Variants in PHLPP2 observed in about 807,000 individuals in gnomAD.
PHLPP2 encodes the protein PH domain and leucine rich repeat protein phosphatase 2.
PHLPP2 carries 66 observed loss-of-function variants against 124.9 expected under a neutral mutation model. That is an observed-to-expected ratio of 0.53 (90% CI 0.43 to 0.65). The LOEUF (loss-of-function observed/expected upper bound fraction) is 0.65, where lower values mean the gene tolerates loss of function less well. Ranked by LOEUF, PHLPP2 falls within the 30% of genes least tolerant of loss-of-function variation. The pLI is 0.00. For missense variants in PHLPP2, 1,685 were observed against 1,600.4 expected (o/e 1.05, Z -0.90); for synonymous variants, 681 against 624.7 (o/e 1.09, Z -1.34).
chr16:71,655,560 T>TA, intron 16 of PHLPP2, 126 bp from the exon 17 acceptor site: 5 of 647,360 alleles, frequency 7.7e-6, no homozygotes, highest in Non-Finnish European at 1.3e-5. Context: ...TGGAGTGCAG[T>TA]GGCATGATCT....
Position 71,648,837 on chromosome 16 carries a change from G to A in PHLPP2, c.*53C>T. ...TGTAGAGGCAGAATGCCTCTAGCAA[G>A]TCCCTACCCCAACCCTGCACAGCCT... On this transcript the variant is annotated 3_prime_UTR_variant, in exon 19 of 19. Coordinates refer to ENST00000568954, the MANE Select transcript of PHLPP2 (RefSeq NM_015020.3). 7.5e-7 allele frequency: 1 copy of A among 1,326,274 alleles called. No individual in the cohort carries two copies. Among genetic ancestry groups the A allele is most frequent in the Non-Finnish European group, 1.1e-6 (1 of 939,880 alleles). 82.2% of individuals were successfully genotyped at this position (1,326,274 alleles called of 1,614,324 possible). A position where few individuals can be genotyped will look rare whatever the true frequency, so the allele number is the denominator to read the frequency against.
intron 4 of PHLPP2, among the ~76,000 whole-genome samples, chr16:71,685,646 G>A (rs1215510009): frequency 6.6e-6 from 1 of 152,272 alleles, no homozygotes; most frequent in Non-Finnish European, 1.5e-5. Flanking sequence ...CATTGCAACT[G>A]AATGAGTCTG....
Position 71,652,950 on chromosome 16 carries a change from T to A in PHLPP2, c.2657A>T (p.Asp886Val). The A allele has an allele frequency of 6.2e-7, 1 of 1,614,044 alleles. No homozygotes were observed. The highest frequency in any genetic ancestry group is 1.1e-5 in the South Asian group (1 of 91,078). Residue 886 changes from aspartate to valine, a missense_variant, in exon 18 of 19, where the codon GAT becomes GTT. Asp to Val is a radical substitution (Grantham distance 152). Coordinates refer to ENST00000568954, the MANE Select transcript of PHLPP2 (RefSeq NM_015020.3). The stretch of plus-strand genomic sequence containing the variant: ...AGTCAAGCTAAAGCTACTTGCTGGA[T>A]CGGCAGTGTCAGGGCGGATGTAGCA... ...LLCYIRPDTA[D>V]PASSFSLTVA...
chr16:71,713,499 A>T (rs547042168), intron 2 of PHLPP2, among the ~76,000 whole-genome samples: 5 of 152,338 alleles, frequency 3.3e-5, no homozygotes, highest in African/African-American at 1.2e-4. Flanking sequence ...CTCACATATG[A>T]GAGATACCAC....
chr16:71,705,249 T>C (rs2145372060), intron 2 of PHLPP2, among the ~76,000 whole-genome samples: 1 of 152,306 alleles, frequency 6.6e-6, no homozygotes, highest in South Asian at 2.1e-4. Flanking sequence ...CTTCCTAATA[T>C]AATACAAATT....
At chr16:71,670,490 G>C (rs1008536252) in intron 10 of PHLPP2, among the ~76,000 whole-genome samples, 1 of 152,124 alleles carries the variant, frequency 6.6e-6, no homozygotes, top group Non-Finnish European at 1.5e-5. Context: ...TCCAATAAGA[G>C]CAGAACTAAA....
At chr16:71,651,216 T>C (rs1013987920) in intron 18 of PHLPP2, among the ~76,000 whole-genome samples, 5 of 152,042 alleles carry the variant, frequency 3.3e-5, no homozygotes, top group African/African-American at 7.3e-5. Context: ...CGCATGCCTA[T>C]AGTCCCAGCT....
chr16:71,655,506 T>C (rs75788276), intron 16 of PHLPP2, 72 bp from the exon 17 acceptor site: 1 of 826,034 alleles, frequency 1.2e-6, no homozygotes, highest in Non-Finnish European at 1.7e-6. Context: ...GAGCATTCTT[T>C]TTTTTTTTTT....
intron 17 of PHLPP2, 67 bp from the exon 18 acceptor site, chr16:71,653,088 G>C: frequency 2.4e-6 from 2 of 836,478 alleles, no homozygotes; most frequent in Non-Finnish European, 3.7e-6. Context: ...GGTCCTGCAC[G>C]TACATCCCTT....
Position 71,658,257 on chromosome 16 carries a change from T to C in PHLPP2, c.2255A>G (p.Glu752Gly). 1 of 1,613,964 alleles carries C rather than the reference T, an allele frequency of 6.2e-7. No homozygotes were observed. Among genetic ancestry groups the C allele is most frequent in the South Asian group, 1.1e-5 (1 of 91,050 alleles). The change falls in exon 15 of 19, where the codon GAA (glutamate) becomes GGA (glycine). Residue 752 changes from glutamate (E) to glycine (G), a missense_variant. Physicochemically the swap from Glu to Gly is moderately conservative, Grantham distance 98. Transcript: ENST00000568954. Reference protein sequence around the residue: ...DLTGNTNLVLEHKTLDIFSHI... With the variant: ...DLTGNTNLVLGHKTLDIFSHI... ...CCTAAATATGTCCAGTGTCTTGTGTTCCAGAACCAGATTTGTATTTCCAGT... is the reference window on the plus strand; with the variant it reads ...CCTAAATATGTCCAGTGTCTTGTGTCCCAGAACCAGATTTGTATTTCCAGT...
In PHLPP2 at chr16:71,678,971, CAG is replaced by C. The variant is rs1567619294; in HGVS notation, c.1050_1051del (p.Cys351SerfsTer2). 6.2e-7 allele frequency: 1 copy of C among 1,601,842 alleles called. No homozygotes were observed. The highest frequency in any genetic ancestry group is 1.7e-5 in the Admixed American group (1 of 60,004). On this transcript the variant is annotated frameshift_variant, in exon 8 of 19. Coordinates refer to ENST00000568954, the MANE Select transcript of PHLPP2 (RefSeq NM_015020.3). LOFTEE classifies it high-confidence loss of function. ...AGTAGTCAGAAAGTTGCCATCAAGA[CAG>C]AGGGTTTGAAGACTATAGGAAGAAA...
chr16:71,692,391 G>T (rs532742065), intron 3 of PHLPP2, among the ~76,000 whole-genome samples: 1 of 151,936 alleles, frequency 6.6e-6, no homozygotes, highest in Admixed American at 6.6e-5. Flanking sequence ...ATACAATTAG[G>T]TATCACTTTG....
Position 71,655,379 on chromosome 16 carries a change from A to C in PHLPP2, c.2446T>G (p.Tyr816Asp). ...DSFAEGVGAVYGMFDGDRNEE... is the reference protein window; with the variant it reads ...DSFAEGVGAVDGMFDGDRNEE... ...TTTCGGTCTCCATCAAACATGCCATACACAGCTCCCACCCCCTCTGCAAAG... is the reference window on the plus strand; with the variant it reads ...TTTCGGTCTCCATCAAACATGCCATCCACAGCTCCCACCCCCTCTGCAAAG... Residue 816 changes from tyrosine (Y) to aspartate (D), a missense_variant, in exon 17 of 19, where the codon TAT becomes GAT. Transcript: ENST00000568954. The C allele has an allele frequency of 6.2e-7, 1 of 1,614,154 alleles. No individual in the cohort carries two copies. The highest frequency in any genetic ancestry group is 8.5e-7 in the Non-Finnish European group (1 of 1,180,006).
chr16:71,692,806 T>G (rs1003279142), intron 3 of PHLPP2, among the ~76,000 whole-genome samples: 4 of 138,274 alleles, frequency 2.9e-5, no homozygotes, highest in Non-Finnish European at 6.1e-5. Context: ...ATAGTTGTTA[T>G]GCCATATTTT....
intron 3 of PHLPP2, among the ~76,000 whole-genome samples, chr16:71,699,359 A>T (rs2145365549): frequency 6.6e-6 from 1 of 151,826 alleles, no homozygotes; most frequent in East Asian, 1.9e-4. Context: ...TACCTACAGC[A>T]CCTCCCATCC....
rs1364561984 is a variant in PHLPP2 at position 71,647,967 on chromosome 16, G to A, written c.*923C>T. 1 of 152,602 alleles carries A rather than the reference G, an allele frequency of 6.6e-6. No individual in the cohort carries two copies. The highest frequency in any genetic ancestry group is 1.5e-5 in the Non-Finnish European group (1 of 68,044). The allele number at this position is 152,602 out of a possible 1,614,324, so 9.5% of individuals were successfully genotyped here. ...TGCCGGGCTGCCTCTAAGAAGATTGGCTCGAGTGCAGATTCAAAAATAAAA... is the reference window on the plus strand; with the variant it reads ...TGCCGGGCTGCCTCTAAGAAGATTGACTCGAGTGCAGATTCAAAAATAAAA... On this transcript the variant is annotated 3_prime_UTR_variant, in exon 19 of 19. Coordinates refer to ENST00000568954, the MANE Select transcript of PHLPP2 (RefSeq NM_015020.3).
At chr16:71,651,576 T>G (rs1429888490) in intron 18 of PHLPP2, among the ~76,000 whole-genome samples, 1 of 152,172 alleles carries the variant, frequency 6.6e-6, no homozygotes, top group Non-Finnish European at 1.5e-5. Flanking sequence ...AAACACTATC[T>G]TTTATCTTTC....
At chr16:71,705,745 C>G (rs187967263) in intron 2 of PHLPP2, among the ~76,000 whole-genome samples, 6 of 152,168 alleles carry the variant, frequency 3.9e-5, no homozygotes, top group African/African-American at 1.2e-4. Context: ...CCCCTGACCT[C>G]ATGATCTGCC....
intron 3 of PHLPP2, among the ~76,000 whole-genome samples, chr16:71,696,923 C>G (rs2045177150): frequency 6.6e-6 from 1 of 152,080 alleles, no homozygotes; most frequent in Admixed American, 6.6e-5. Context: ...CCTGTAATCC[C>G]AGCACATTTG....
Sources: allele counts gnomAD v4.1 joint callset (sites outside exome capture counted in the v4.1 genomes callset), GRCh38; gene constraint gnomAD v4.1.1; transcripts MANE v1.5; gene names NCBI Gene and HGNC (gene_info 2026-07-23, HGNC 2026-07-21).